BCKDHB: variants seen among roughly 807,000 people sequenced by gnomAD.
BCKDHB encodes 2-oxoisovalerate dehydrogenase subunit beta, mitochondrial.
A neutral mutation model predicts 48.5 loss-of-function variants in BCKDHB; 41 were observed. That is an observed-to-expected ratio of 0.85 (90% CI 0.66 to 1.10). The LOEUF is 1.10. Among genes scored for constraint, BCKDHB ranks in the 50% least tolerant of loss-of-function variants. The probability of loss-of-function intolerance (pLI) is 0.00; values close to 1 mark genes in which losing one functional copy is unlikely to be tolerated. For synonymous variants in BCKDHB, 201 were observed against 174.8 expected, an observed-to-expected ratio of 1.15 and a Z score of -1.18; for missense variants, 496 against 494.2, an observed-to-expected ratio of 1.00 and a Z score of -0.03.
the BCKDHB span, among the ~76,000 whole-genome samples, chr6:80,414,256 C>T: frequency 3.9e-5 from 6 of 152,128 alleles, no homozygotes; most frequent in Non-Finnish European, 8.8e-5. Flanking sequence ...TGTCCCTTCA[C>T]TCTATTGATA....
rs959142990 is a variant in BCKDHB, at chr6:80,249,686, C to T, written c.952-23449C>T. On this transcript the variant is annotated intron_variant, in intron 8 of 9. Transcript: ENST00000320393. ...GAGGTAAGAGGGTGGAGTCCAAGTGCGGTGAACATGAATTTTGTAATAGTG... is the reference window on the plus strand; with the variant it reads ...GAGGTAAGAGGGTGGAGTCCAAGTGTGGTGAACATGAATTTTGTAATAGTG... 3.9e-5 allele frequency among the ~76,000 whole-genome samples: 6 copies of T among 151,992 alleles called. No individual in the cohort carries two copies. The South Asian group carries it at 8.3e-4, about 21-fold the overall frequency.
intron 3 of BCKDHB, among the ~76,000 whole-genome samples, chr6:80,162,844 C>T (rs148948018): frequency 2.0e-5 from 3 of 152,150 alleles, no homozygotes; most frequent in African/African-American, 7.2e-5. Context: ...AGCGAGACTA[C>T]ATCTCAAAAC....
Position 80,207,998 on chromosome 6 carries a change from A to G in BCKDHB, c.951+4786A>G, listed in dbSNP as rs77894562. Among the ~76,000 whole-genome samples, 561 of 151,920 alleles carry G rather than the reference A, an allele frequency of 3.7e-3. 4 individuals carry two copies. The highest frequency in any genetic ancestry group is 0.013 in the African/African-American group (520 of 41,540). On this transcript the variant is annotated intron_variant, in intron 8 of 9. Transcript: ENST00000320393. ...TGAAGTGTATAGAAGATCTGAACAAAGCAATTTGTAAAGTTGTCCTAATTG... is the reference window on the plus strand; with the variant it reads ...TGAAGTGTATAGAAGATCTGAACAAGGCAATTTGTAAAGTTGTCCTAATTG...
At chr6:80,165,416 T>C (rs1026757859) in intron 3 of BCKDHB, among the ~76,000 whole-genome samples, 2 of 152,234 alleles carry the variant, frequency 1.3e-5, no homozygotes, top group African/African-American at 4.8e-5. Context: ...CTACAGGATG[T>C]GTCTGGTCGG....
the BCKDHB span, among the ~76,000 whole-genome samples, chr6:80,460,258 A>C: frequency 3.6e-4 from 55 of 152,212 alleles, no homozygotes; most frequent in South Asian, 1.0e-3. Context: ...CAAATCAAAG[A>C]TAATGTATTT....
intron 9 of BCKDHB, among the ~76,000 whole-genome samples, chr6:80,298,513 A>C (rs1767381479): frequency 6.6e-6 from 1 of 152,220 alleles, no homozygotes; most frequent in Non-Finnish European, 1.5e-5. Context: ...GAATGGAAAA[A>C]TTCAAGTTTT....
chr6:80,412,079 G>A, the BCKDHB span, among the ~76,000 whole-genome samples: 3 of 151,700 alleles, frequency 2.0e-5, no homozygotes, highest in Non-Finnish European at 4.4e-5. Flanking sequence ...CTTCCTATTT[G>A]GCCATCTTGG....
chr6:80,214,700 T>C (rs1054908426), intron 8 of BCKDHB, among the ~76,000 whole-genome samples: 1 of 152,226 alleles, frequency 6.6e-6, no homozygotes, highest in East Asian at 1.9e-4. Context: ...ATTAAACATA[T>C]GTTATAATTC....
At chr6:80,446,501 A>C in the BCKDHB span, among the ~76,000 whole-genome samples, 4,347 of 152,274 alleles carry the variant, frequency 0.029, 165 homozygotes, top group African/African-American at 0.086. Flanking sequence ...GTCAGGACTC[A>C]GCTGGGCCCT....
chr6:80,192,583 C>A (rs1773947498), intron 6 of BCKDHB, among the ~76,000 whole-genome samples: 1 of 151,936 alleles, frequency 6.6e-6, no homozygotes, highest in African/African-American at 2.4e-5. Flanking sequence ...TACAAACAAA[C>A]AAAAAACCCT....
chr6:80,223,308 G>C (rs1195959481), intron 8 of BCKDHB, among the ~76,000 whole-genome samples: 1 of 152,138 alleles, frequency 6.6e-6, no homozygotes, highest in African/African-American at 2.4e-5. Flanking sequence ...GCCCCCTACA[G>C]TGCTAGATAA....
chr6:80,129,106 T>C lies in BCKDHB; in HGVS notation c.275-55T>C, dbSNP rs1323486039. On this transcript the variant is annotated intron_variant, in intron 2 of 9. Transcript: ENST00000320393. Reference sequence around the variant, plus strand: ...ATTTAAATTACTTATTTCTCATTGTTAGTATTATTTAGAGATTATTAAATA... The same window carrying C: ...ATTTAAATTACTTATTTCTCATTGTCAGTATTATTTAGAGATTATTAAATA... 1.0e-4 allele frequency: 124 copies of C among 1,216,614 alleles called. 1 individual carries two copies. The East Asian group carries it at 2.4e-3, about 23-fold the overall frequency. The allele number at this position is 1,216,614 out of a possible 1,614,324, so 75.4% of individuals were successfully genotyped here. A position where few individuals can be genotyped will look rare whatever the true frequency, so the allele number is the denominator to read the frequency against.
the BCKDHB span, among the ~76,000 whole-genome samples, chr6:80,443,701 G>T: frequency 7.9e-5 from 12 of 151,958 alleles, 1 homozygote; most frequent in South Asian, 2.5e-3. Flanking sequence ...GTAGGAATGG[G>T]GTCTCATCAT....
chr6:80,235,974 A>T (rs146685426), intron 8 of BCKDHB, among the ~76,000 whole-genome samples: 11 of 152,184 alleles, frequency 7.2e-5, no homozygotes, highest in Non-Finnish European at 1.5e-4. Flanking sequence ...AGATCAGGCA[A>T]TGCTGGTCAA....
At chr6:80,271,950 T>G (rs1777764063) in intron 8 of BCKDHB, among the ~76,000 whole-genome samples, 1 of 152,186 alleles carries the variant, frequency 6.6e-6, no homozygotes, top group African/African-American at 2.4e-5. Flanking sequence ...TTTTGTCTTT[T>G]TATATTTTTG....
intron 6 of BCKDHB, among the ~76,000 whole-genome samples, chr6:80,192,638 C>A (rs1467665022): frequency 6.6e-6 from 1 of 151,922 alleles, no homozygotes; most frequent in Admixed American, 6.6e-5. Context: ...TAAATGTGGC[C>A]AAATTTTAAT....
intron 8 of BCKDHB, among the ~76,000 whole-genome samples, chr6:80,208,233 C>T (rs77812289): frequency 2.6e-5 from 4 of 151,680 alleles, no homozygotes; most frequent in East Asian, 1.9e-4. Flanking sequence ...TCTAAATAAC[C>T]GTGGATTACA....
chr6:80,221,061 T>C (rs1291509672), intron 8 of BCKDHB, among the ~76,000 whole-genome samples: 1 of 152,124 alleles, frequency 6.6e-6, no homozygotes. Flanking sequence ...GGCATCATGC[T>C]TTTTATTTGG....
At chr6:80,281,926 G>C (rs1438340019) in intron 9 of BCKDHB, among the ~76,000 whole-genome samples, 1 of 151,974 alleles carries the variant, frequency 6.6e-6, no homozygotes, top group African/African-American at 2.4e-5. Context: ...ATTGGGATGG[G>C]CAAGACATTT....
Sources: allele counts gnomAD v4.1 joint callset (sites outside exome capture counted in the v4.1 genomes callset), GRCh38; gene constraint gnomAD v4.1.1; transcripts MANE v1.5; gene names NCBI Gene and HGNC (gene_info 2026-07-23, HGNC 2026-07-21).